CLNK: variants seen among roughly 807,000 people sequenced by gnomAD.
CLNK encodes the protein cytokine dependent hematopoietic cell linker, also known as cytokine-dependent hematopoietic cell linker.
CLNK carries 74 observed loss-of-function variants against 68.6 expected under a neutral mutation model. The ratio of observed to expected loss-of-function variants is 1.08; its 90% CI spans 0.89 to 1.31. The LOEUF is 1.31. Among genes scored for constraint, CLNK ranks in the 50% most tolerant of loss-of-function variants. CLNK has a pLI of 0.00. For synonymous variants in CLNK, 198 were observed against 172.2 expected (o/e 1.15, Z -1.17); for missense variants, 553 against 515.3 (o/e 1.07, Z -0.71).
At chr4:10,528,316 G>A (rs73809631) in intron 12 of CLNK, among the ~76,000 whole-genome samples, 81 of 152,126 alleles carry the variant, frequency 5.3e-4, no homozygotes, top group African/African-American at 1.6e-3. Context: ...GTCCACAGTC[G>A]GCTGATGGGA....
chr4:10,676,014 A>G lies in CLNK; in HGVS notation c.-42-8103T>C, dbSNP rs1158737257. On this transcript the variant is annotated intron_variant, in intron 1 of 18. Coordinates refer to ENST00000226951, the MANE Select transcript of CLNK (RefSeq NM_052964.4). ...GATTTTTGGAATTGAGAAAGGGAGCATGTGTGTATATTTGGAGAAGAGAGC... is the reference window on the plus strand; with the variant it reads ...GATTTTTGGAATTGAGAAAGGGAGCGTGTGTGTATATTTGGAGAAGAGAGC... 2.0e-5 allele frequency among the ~76,000 whole-genome samples: 3 copies of G among 151,400 alleles called. No homozygotes were observed. The East Asian group carries it at 5.8e-4, about 29-fold the overall frequency.
chr4:10,646,786 T>C (rs1330833446), intron 2 of CLNK, among the ~76,000 whole-genome samples: 5 of 152,170 alleles, frequency 3.3e-5, no homozygotes, highest in Admixed American at 6.5e-5. Flanking sequence ...AAACCATTAT[T>C]CTTAACTATT....
intron 14 of CLNK, among the ~76,000 whole-genome samples, chr4:10,522,572 C>CAAAAAA (rs58663693): frequency 5.2e-5 from 6 of 116,352 alleles, no homozygotes; most frequent in African/African-American, 9.9e-5. Context: ...GAAACTCTCT[C>CAAAAAA]AAAAAAAAAA....
chr4:10,647,439 C>T (rs12644618), intron 2 of CLNK, among the ~76,000 whole-genome samples: 49,782 of 151,978 alleles, frequency 0.33, 8,431 homozygotes, highest in African/African-American at 0.41. Flanking sequence ...ATTTTGAGTT[C>T]TGCCAGCAGA....
intron 2 of CLNK, among the ~76,000 whole-genome samples, chr4:10,620,705 C>T (rs929740047): frequency 1.3e-5 from 2 of 152,088 alleles, no homozygotes; most frequent in Non-Finnish European, 2.9e-5. Context: ...TCTCCTGGTG[C>T]TCTGTGTTTA....
chr4:10,548,717 G>C (rs1560211621), intron 8 of CLNK, among the ~76,000 whole-genome samples: 1 of 152,150 alleles, frequency 6.6e-6, no homozygotes, highest in Non-Finnish European at 1.5e-5. Context: ...CTGTGCAGAG[G>C]AACAGGTCCT....
intron 8 of CLNK, among the ~76,000 whole-genome samples, chr4:10,542,954 A>G (rs1719096915): frequency 6.6e-6 from 1 of 152,120 alleles, no homozygotes; most frequent in African/African-American, 2.4e-5. Context: ...ATTCAACTCA[A>G]TGTAATTATC....
At chr4:10,516,850 C>T (rs1374715422) in intron 15 of CLNK, among the ~76,000 whole-genome samples, 2 of 152,128 alleles carry the variant, frequency 1.3e-5, no homozygotes, top group African/African-American at 4.8e-5. Flanking sequence ...CACGCCTGGC[C>T]AGGATTGTAG....
intron 7 of CLNK, among the ~76,000 whole-genome samples, chr4:10,562,521 T>C (rs1054317613): frequency 6.6e-6 from 1 of 152,182 alleles, no homozygotes; most frequent in Non-Finnish European, 1.5e-5. Flanking sequence ...TTCTCTTGCC[T>C]CAGCCTCCTG....
At chr4:10,665,876 T>C (rs1724377320) in intron 2 of CLNK, among the ~76,000 whole-genome samples, 1 of 152,098 alleles carries the variant, frequency 6.6e-6, no homozygotes, top group African/African-American at 2.4e-5. Context: ...TCTCCATCGC[T>C]TGTGAATGTG....
intron 2 of CLNK, among the ~76,000 whole-genome samples, chr4:10,657,529 G>T (rs1375076392): frequency 6.6e-6 from 1 of 152,178 alleles, no homozygotes; most frequent in Non-Finnish European, 1.5e-5. Flanking sequence ...AGATGGTAGA[G>T]AAATACTTCA....
At chr4:10,552,752 G>T (rs6837268) in intron 8 of CLNK, among the ~76,000 whole-genome samples, 21,282 of 152,094 alleles carry the variant, frequency 0.14, 1,532 homozygotes, top group South Asian at 0.16. Context: ...TCTCCCACGT[G>T]GTGTGGCCAG....
At chr4:10,551,392 G>A (rs1483601119) in intron 8 of CLNK, among the ~76,000 whole-genome samples, 1 of 151,382 alleles carries the variant, frequency 6.6e-6, no homozygotes, top group Non-Finnish European at 1.5e-5. Flanking sequence ...TTACAGGTGT[G>A]CACCACCATG....
At chr4:10,578,310 G>A (rs982779634) in intron 4 of CLNK, among the ~76,000 whole-genome samples, 2 of 152,294 alleles carry the variant, frequency 1.3e-5, no homozygotes, top group Non-Finnish European at 2.9e-5. Context: ...TAAGCAAAAT[G>A]TGTGGCTTTT....
intron 10 of CLNK, 145 bp from the exon 11 acceptor site, chr4:10,540,749 G>A (rs143880939): frequency 8.4e-5 from 52 of 622,416 alleles, no homozygotes; most frequent in African/African-American, 6.8e-4. Flanking sequence ...GGAGCAGACC[G>A]ATCTGGTCTG....
At chr4:10,637,290 C>G (rs1179426803) in intron 2 of CLNK, among the ~76,000 whole-genome samples, 1 of 152,166 alleles carries the variant, frequency 6.6e-6, no homozygotes, top group Non-Finnish European at 1.5e-5. Context: ...TCTCCAGCCT[C>G]AGATGCCTGT....
chr4:10,660,037 A>G (rs994891049), intron 2 of CLNK, among the ~76,000 whole-genome samples: 1 of 152,234 alleles, frequency 6.6e-6, no homozygotes, highest in African/African-American at 2.4e-5. Flanking sequence ...TAGCAATCAT[A>G]AATGCTGGAC....
At chr4:10,625,276 G>T (rs2720364) in intron 2 of CLNK, among the ~76,000 whole-genome samples, 147,565 of 152,288 alleles carry the variant, frequency 0.97, 71,598 homozygotes, top group East Asian at 1. Context: ...AGAGCTGTCC[G>T]CCACTCTGCA....
At chr4:10,681,997 C>T (rs950854779) in intron 1 of CLNK, among the ~76,000 whole-genome samples, 3 of 152,120 alleles carry the variant, frequency 2.0e-5, no homozygotes, top group African/African-American at 7.2e-5. Context: ...CTTTGGAAGA[C>T]ATGATTAAAA....
Sources: allele counts gnomAD v4.1 joint callset (sites outside exome capture counted in the v4.1 genomes callset), GRCh38; gene constraint gnomAD v4.1.1; transcripts MANE v1.5; gene names NCBI Gene and HGNC (gene_info 2026-07-23, HGNC 2026-07-21).